Variants in DIAPH2 observed in about 807,000 individuals in gnomAD.
DIAPH2 encodes the protein protein diaphanous homolog 2.
A neutral mutation model predicts 92.7 loss-of-function variants in DIAPH2; 35 were observed. That is an observed-to-expected ratio of 0.38 (90% CI 0.29 to 0.50). The LOEUF (loss-of-function observed/expected upper bound fraction) is 0.50, where lower values mean the gene tolerates loss of function less well. Among genes scored for constraint, DIAPH2 ranks in the 20% least tolerant of loss-of-function variants. DIAPH2 has a pLI of 0.94. For missense variants in DIAPH2, 701 were observed against 819.5 expected, an observed-to-expected ratio of 0.86 and a Z score of 1.77; for synonymous variants, 301 against 280.4, an observed-to-expected ratio of 1.07 and a Z score of -0.73.
chrX:97,445,421 C>CTTTTTCTTTTTT (rs199922074), intron 26 of DIAPH2, among the ~76,000 whole-genome samples: 1,992 of 108,911 alleles, frequency 0.018, 50 homozygotes, highest in African/African-American at 0.064. Context: ...TTTCTTTTTT[C>CTTTTTCTTTTTT]TTTTTCTTTT....
intron 21 of DIAPH2, among the ~76,000 whole-genome samples, chrX:97,135,146 A>G (rs1385490429): frequency 1.8e-5 from 2 of 111,881 alleles, no homozygotes; most frequent in African/African-American, 3.3e-5. Context: ...TAACTAGAGT[A>G]TATAGAAACC....
chrX:97,515,185 G>A (rs2070934294), intron 26 of DIAPH2, among the ~76,000 whole-genome samples: 1 of 112,686 alleles, frequency 8.9e-6, no homozygotes, highest in East Asian at 2.8e-4. Context: ...AGGACCCTCC[G>A]AGCCAGGTGC....
At chrX:96,837,565 C>T (rs2147698043) in intron 4 of DIAPH2, among the ~76,000 whole-genome samples, 1 of 110,328 alleles carries the variant, frequency 9.1e-6, no homozygotes, top group Admixed American at 9.7e-5. Context: ...TTGAGCAATT[C>T]AGCTCCACTG....
At chrX:97,479,388 A>G (rs1198711462) in intron 26 of DIAPH2, among the ~76,000 whole-genome samples, 1 of 112,189 alleles carries the variant, frequency 8.9e-6, no homozygotes, top group Non-Finnish European at 1.9e-5. Context: ...CTGGAAGGCT[A>G]CAGAGATGAG....
At chrX:96,795,923 A>T (rs1602514076) in intron 4 of DIAPH2, among the ~76,000 whole-genome samples, 1 of 111,363 alleles carries the variant, frequency 9.0e-6, no homozygotes, top group East Asian at 2.8e-4. Context: ...ATGCATTTAC[A>T]TTTCATGCAG....
chrX:97,302,548 AAAAAT>A (rs973270649), intron 23 of DIAPH2, among the ~76,000 whole-genome samples: 18 of 111,363 alleles, frequency 1.6e-4, no homozygotes, highest in Admixed American at 4.8e-4. Context: ...ATAAAAATTA[AAAAAT>A]AAAATAAAAT....
At chrX:97,040,615 A>G (rs781455434) in intron 17 of DIAPH2, among the ~76,000 whole-genome samples, 1 of 111,266 alleles carries the variant, frequency 9.0e-6, no homozygotes, top group South Asian at 3.8e-4. Flanking sequence ...AAAATAATAA[A>G]TAATGCATAT....
chrX:97,517,519 A>C (rs1253302763), intron 26 of DIAPH2, among the ~76,000 whole-genome samples: 1 of 112,038 alleles, frequency 8.9e-6, no homozygotes, highest in Non-Finnish European at 1.9e-5. Flanking sequence ...AGATAAAGTG[A>C]TGATAGTTTT....
At chrX:96,707,261 G>A (rs148652924) in intron 1 of DIAPH2, among the ~76,000 whole-genome samples, 14,543 of 108,061 alleles carry the variant, frequency 0.13, 820 homozygotes, top group East Asian at 0.32. Context: ...CTCTGCCTCC[G>A]GGGCTCAAGC....
At chrX:97,214,621 C>T (rs770724981) in intron 22 of DIAPH2, among the ~76,000 whole-genome samples, 1 of 109,688 alleles carries the variant, frequency 9.1e-6, no homozygotes, top group Non-Finnish European at 1.9e-5. Context: ...CACCTGAGGT[C>T]GGGAGTTCAA....
At chrX:96,985,419 C>T (rs1243105925) in intron 17 of DIAPH2, among the ~76,000 whole-genome samples, 3 of 110,765 alleles carry the variant, frequency 2.7e-5, no homozygotes, top group Non-Finnish European at 5.7e-5. Context: ...ACATGAGAAA[C>T]CCTAACAGAA....
chrX:97,596,966 T>G (rs1408528729), intron 26 of DIAPH2, among the ~76,000 whole-genome samples: 1 of 112,048 alleles, frequency 8.9e-6, no homozygotes, highest in African/African-American at 3.2e-5. Flanking sequence ...TATTTGTTGG[T>G]TTTTAAACTA....
intron 23 of DIAPH2, among the ~76,000 whole-genome samples, chrX:97,279,530 T>C (rs939897890): frequency 9.1e-6 from 1 of 110,417 alleles, no homozygotes; most frequent in African/African-American, 3.3e-5. Context: ...TCTTGAACTC[T>C]TGACTTCAAG....
intron 17 of DIAPH2, among the ~76,000 whole-genome samples, chrX:97,003,073 G>A (rs986215101): frequency 5.4e-5 from 6 of 110,526 alleles, no homozygotes; most frequent in African/African-American, 2.0e-4. Context: ...GGCTTATTTC[G>A]CTCCACATAA....
intron 17 of DIAPH2, among the ~76,000 whole-genome samples, chrX:96,984,738 C>T (rs760447703): frequency 3.6e-5 from 4 of 111,144 alleles, no homozygotes; most frequent in Non-Finnish European, 7.5e-5. Context: ...GTTCCTTAGC[C>T]GCTGGGCAAT....
chrX:96,906,440 A>C (rs752298897), intron 5 of DIAPH2, among the ~76,000 whole-genome samples: 3 of 112,551 alleles, frequency 2.7e-5, no homozygotes, highest in Non-Finnish European at 5.6e-5. Flanking sequence ...AGATTCAAAC[A>C]ACATTCAGAT....
At position 96,685,164 on chromosome X, in the gene DIAPH2, G is replaced by A; in HGVS notation, c.106G>A (p.Glu36Lys). ...RSAGNRAANE[E>K]ETKNKPKLNI... The stretch of plus-strand genomic sequence containing the variant: ...CGCGGGGAACCGGGCCGCCAATGAA[G>A]AGGAAACGAAAAACAAACCCAAATT... Residue 36 changes from glutamate to lysine, a missense_variant, in exon 1 of 27, where the codon GAG (glutamate) becomes AAG (lysine). By Grantham distance (56) the Glu-to-Lys change is moderately conservative. Coordinates refer to ENST00000324765, the MANE Select transcript of DIAPH2 (RefSeq NM_006729.5). The A allele has an allele frequency of 9.9e-7, 1 of 1,012,417 alleles. No homozygotes were observed. The highest frequency in any genetic ancestry group is 1.3e-6 in the Non-Finnish European group (1 of 790,053). 83.4% of individuals were successfully genotyped at this position (1,012,417 alleles called of 1,213,427 possible).
Position 96,996,136 on chromosome X carries a change from G to T in DIAPH2, c.2050+30929G>T, listed in dbSNP as rs1229591533. On this transcript the variant is annotated intron_variant, in intron 17 of 26. Coordinates refer to ENST00000324765, the MANE Select transcript of DIAPH2 (RefSeq NM_006729.5). The stretch of plus-strand genomic sequence containing the variant: ...AGTTCTTTTGAAAGTTAATTCTCCA[G>T]TAAGTTTCTCCAGTAAGTTTCATCC... 2.7e-5 allele frequency among the ~76,000 whole-genome samples: 3 copies of T among 111,916 alleles called. No individual in the cohort carries two copies. In the Admixed American group the frequency reaches 2.8e-4, roughly 11 times the overall value.
At chrX:97,535,540 C>T (rs955216670) in intron 26 of DIAPH2, among the ~76,000 whole-genome samples, 2 of 111,415 alleles carry the variant, frequency 1.8e-5, no homozygotes, top group East Asian at 2.8e-4. Flanking sequence ...CAACCTCAGC[C>T]TCCTGGGTTC....
Sources: allele counts gnomAD v4.1 joint callset (sites outside exome capture counted in the v4.1 genomes callset), GRCh38; gene constraint gnomAD v4.1.1; transcripts MANE v1.5; gene names NCBI Gene and HGNC (gene_info 2026-07-23, HGNC 2026-07-21).